The following CSNK1G1 variants were observed in gnomAD, a reference collection of about 807,000 sequenced individuals.
CSNK1G1 encodes casein kinase 1 gamma 1.
CSNK1G1 carries 22 observed loss-of-function variants against 59.6 expected under a neutral mutation model. That is an observed-to-expected ratio of 0.37 (90% CI 0.26 to 0.53). The LOEUF (loss-of-function observed/expected upper bound fraction) is 0.53. Among genes scored for constraint, CSNK1G1 ranks in the 20% least tolerant of loss-of-function variants. The pLI is 0.89. For synonymous variants in CSNK1G1, 179 were observed against 177.1 expected, an observed-to-expected ratio of 1.01 and a Z score of -0.08; for missense variants, 384 against 519.5, an observed-to-expected ratio of 0.74 and a Z score of 2.54.
chr15:64,216,462 T>C lies in CSNK1G1; in HGVS notation c.444+100A>G. On this transcript the variant is annotated intron_variant, in intron 5 of 11. Coordinates refer to ENST00000303052, the MANE Select transcript of CSNK1G1 (RefSeq NM_022048.5). This position sits in a 1 kb window ranked among gnomAD's most constrained non-coding sequence, Gnocchi z 4.6. ...ATGCCATCAAGCCTGTGAGTACTAA[T>C]TCTTGATGTGTTGCTACGGCTAGTA... is the stretch of plus-strand genomic sequence containing the variant. The C allele has an allele frequency of 1.7e-6, 2 of 1,203,908 alleles. No homozygotes were observed. The highest frequency in any genetic ancestry group is 2.4e-6 in the Non-Finnish European group (2 of 844,064). 74.6% of individuals were successfully genotyped at this position (1,203,908 alleles called of 1,614,324 possible).
At chr15:64,305,349 G>C (rs1895616897) in intron 1 of CSNK1G1, among the ~76,000 whole-genome samples, 1 of 151,992 alleles carries the variant, frequency 6.6e-6, no homozygotes, top group South Asian at 2.1e-4. Flanking sequence ...AATAACTATA[G>C]GACAAATTAA....
intron 1 of CSNK1G1, among the ~76,000 whole-genome samples, chr15:64,301,221 A>G (rs934079586): frequency 1.3e-5 from 2 of 152,216 alleles, no homozygotes; most frequent in Non-Finnish European, 2.9e-5. Context: ...GACAACCTCT[A>G]TGAAGGAACT....
At chr15:64,235,588 T>C (rs1025655965) in intron 4 of CSNK1G1, among the ~76,000 whole-genome samples, 6 of 152,170 alleles carry the variant, frequency 3.9e-5, no homozygotes, top group South Asian at 4.1e-4. Context: ...CGTATAAATA[T>C]AGCAGAAGCA....
At chr15:64,211,999 G>T (rs1009157679) in intron 6 of CSNK1G1, among the ~76,000 whole-genome samples, 1 of 152,156 alleles carries the variant, frequency 6.6e-6, no homozygotes. Flanking sequence ...CTTGTAAAAT[G>T]GAAAATTACT....
At chr15:64,248,886 C>T (rs1234134533) in intron 4 of CSNK1G1, among the ~76,000 whole-genome samples, 4 of 151,888 alleles carry the variant, frequency 2.6e-5, no homozygotes, top group Middle Eastern at 3.2e-3. Context: ...TTTGGGAGGC[C>T]GAGGCAGGCG....
At chr15:64,179,661 G>A (rs1010053198) in intron 11 of CSNK1G1, among the ~76,000 whole-genome samples, 1 of 152,160 alleles carries the variant, frequency 6.6e-6, no homozygotes, top group Non-Finnish European at 1.5e-5. Flanking sequence ...AGCAGAATTG[G>A]CAGTTATCTC....
chr15:64,243,543 T>C (rs898952436), intron 4 of CSNK1G1, among the ~76,000 whole-genome samples: 1 of 151,776 alleles, frequency 6.6e-6, no homozygotes, highest in Non-Finnish European at 1.5e-5. Context: ...AGAAGTACTA[T>C]CCAGAGCAAA....
chr15:64,261,535 A>C (rs570719921), intron 2 of CSNK1G1, among the ~76,000 whole-genome samples: 21 of 152,216 alleles, frequency 1.4e-4, no homozygotes, highest in African/African-American at 5.1e-4. Context: ...TGGGAGGCAG[A>C]GGTTGTGGTG....
Position 64,248,593 on chromosome 15 carries a change from T to TA in CSNK1G1, c.292+2918dup, listed in dbSNP as rs542228549. Reference sequence around the variant, plus strand: ...GAGTGGGACCAATATGCAATTACAATAAAAAAATAGTCAATGCCTAATCAT... The same window carrying TA: ...GAGTGGGACCAATATGCAATTACAATAAAAAAAATAGTCAATGCCTAATCAT... On this transcript the variant is annotated intron_variant, in intron 4 of 11. Coordinates refer to ENST00000303052, the MANE Select transcript of CSNK1G1 (RefSeq NM_022048.5). 2.9e-3 allele frequency among the ~76,000 whole-genome samples: 445 copies of TA among 151,992 alleles called. 2 individuals are homozygous for TA. The highest frequency in any genetic ancestry group is 9.9e-3 in the African/African-American group (410 of 41,448).
chr15:64,217,056 G>C (rs2082320947), intron 4 of CSNK1G1, among the ~76,000 whole-genome samples: 1 of 152,208 alleles, frequency 6.6e-6, no homozygotes, highest in Admixed American at 6.5e-5. Context: ...AGGCTCAAAG[G>C]ATGGCTCACT....
intron 2 of CSNK1G1, chr15:64,265,951 G>A (rs973205085): frequency 1.2e-5 from 5 of 403,412 alleles, no homozygotes; most frequent in African/African-American, 8.4e-5. Flanking sequence ...AGGTGTAGGG[G>A]TAAGTGCCTA....
intron 2 of CSNK1G1, among the ~76,000 whole-genome samples, chr15:64,295,808 G>A (rs1894987922): frequency 6.6e-6 from 1 of 152,162 alleles, no homozygotes; most frequent in Non-Finnish European, 1.5e-5. Flanking sequence ...TAAAACTCCT[G>A]ATGATTCGAC....
intron 3 of CSNK1G1, among the ~76,000 whole-genome samples, chr15:64,256,612 G>A (rs1892386235): frequency 6.6e-6 from 1 of 151,872 alleles, no homozygotes. Flanking sequence ...AATATTAGCA[G>A]CACAGGAGAT....
At position 64,235,025 on chromosome 15, in the gene CSNK1G1, G is replaced by A. The variant is rs79422547; in HGVS notation, c.292+16487C>T. 3.2e-3 allele frequency among the ~76,000 whole-genome samples: 491 copies of A among 152,258 alleles called. 1 individual carries two copies. Among genetic ancestry groups the A allele is most frequent in the African/African-American group, 0.011 (464 of 41,538 alleles). ...TGTAGACAAAATGATACTGGTAGACGCAAGCTGAGGCAAGAGATTTTACAG... is the reference window on the plus strand; with the variant it reads ...TGTAGACAAAATGATACTGGTAGACACAAGCTGAGGCAAGAGATTTTACAG... On this transcript the variant is annotated intron_variant, in intron 4 of 11. Coordinates refer to ENST00000303052, the MANE Select transcript of CSNK1G1 (RefSeq NM_022048.5).
chr15:64,253,598 T>G (rs937759030), intron 3 of CSNK1G1, among the ~76,000 whole-genome samples: 2 of 152,192 alleles, frequency 1.3e-5, no homozygotes, highest in African/African-American at 4.8e-5. Context: ...AAGCAGGAAC[T>G]CAGATTTATT....
At chr15:64,221,771 A>G (rs2082391469) in intron 4 of CSNK1G1, among the ~76,000 whole-genome samples, 1 of 152,044 alleles carries the variant, frequency 6.6e-6, no homozygotes, top group South Asian at 2.1e-4. Context: ...AAAAGTCAGG[A>G]AACAACAGAT....
chr15:64,213,009 AAAAT>A (rs1412814097), intron 6 of CSNK1G1, among the ~76,000 whole-genome samples: 2 of 152,236 alleles, frequency 1.3e-5, no homozygotes, highest in East Asian at 1.9e-4. Context: ...ACATCTCAAA[AAAAT>A]AAATAAAATA....
At chr15:64,234,590 C>G (rs2082590670) in intron 4 of CSNK1G1, among the ~76,000 whole-genome samples, 1 of 152,192 alleles carries the variant, frequency 6.6e-6, no homozygotes, top group Non-Finnish European at 1.5e-5. Flanking sequence ...GGACCACACA[C>G]TAGCTCTCAG....
chr15:64,316,725 A>C (rs937732923), intron 1 of CSNK1G1: 3 of 152,118 alleles, frequency 2.0e-5, no homozygotes, highest in African/African-American at 4.8e-5. Flanking sequence ...CCTGGTAGTT[A>C]AAAATCAAGC....
Sources: allele counts gnomAD v4.1 joint callset (sites outside exome capture counted in the v4.1 genomes callset), GRCh38; gene constraint gnomAD v4.1.1; non-coding constraint Gnocchi (gnomAD v3.1); transcripts MANE v1.5; gene names NCBI Gene and HGNC (gene_info 2026-07-23, HGNC 2026-07-21).